The following CUBN variants were observed in gnomAD, a reference collection of about 807,000 sequenced individuals.
CUBN encodes the protein cubilin.
CUBN carries 282 observed loss-of-function variants against 405.3 expected under a neutral mutation model. The observed-to-expected ratio is 0.70, with a 90% CI of 0.63 to 0.77. The LOEUF (loss-of-function observed/expected upper bound fraction) is 0.77. Ranked by LOEUF, CUBN falls within the 30% of genes least tolerant of loss-of-function variation. The pLI, the probability that CUBN is intolerant of heterozygous loss-of-function variation, is 0.00. For synonymous variants in CUBN, 1,684 were observed against 1,617.0 expected, an observed-to-expected ratio of 1.04 and a Z score of -0.99; for missense variants, 4,514 against 4,475.2, an observed-to-expected ratio of 1.01 and a Z score of -0.25.
In CUBN at chr10:16,900,804, C is replaced by A. The variant is rs983265041; in HGVS notation, c.8231G>T (p.Trp2744Leu). The change falls in exon 53 of 67, where the codon TGG (tryptophan) becomes TTG (leucine). Residue 2744 changes from tryptophan (W) to leucine (L), a missense_variant. Around this residue, in one of 5 missense-constraint regions of CUBN, gnomAD observed 1,186 missense variants for 1,186.9 expected, o/e 1.00. Coordinates refer to ENST00000377833, the MANE Select transcript of CUBN (RefSeq NM_001081.4). The part of the protein sequence containing the change: ...FDIEPHTTCA[W>L]DSVTVRNGGS... ...ACCATTCCTGACAGTGACAGAGTCC[C>A]AAGCACAAGTTGTATGGGGTTCAAT... is the stretch of plus-strand genomic sequence containing the variant. 2 of 1,613,924 alleles carry A rather than the reference C, an allele frequency of 1.2e-6. No homozygotes were observed. Among genetic ancestry groups the A allele is most frequent in the African/African-American group, 2.7e-5 (2 of 74,896 alleles).
intron 14 of CUBN, among the ~76,000 whole-genome samples, chr10:17,089,718 C>A (rs1836209562): frequency 6.6e-6 from 1 of 152,194 alleles, no homozygotes; most frequent in South Asian, 2.1e-4. Context: ...ATTTCATTTT[C>A]TTTTGACCAA....
At chr10:16,870,254 T>C (rs1165328396) in intron 58 of CUBN, among the ~76,000 whole-genome samples, 1 of 152,244 alleles carries the variant, frequency 6.6e-6, no homozygotes, top group Non-Finnish European at 1.5e-5. Context: ...TCCCTTGTTA[T>C]TTTATGAGAT....
At chr10:17,107,789 G>T (rs867425276) in intron 10 of CUBN, among the ~76,000 whole-genome samples, 11 of 152,104 alleles carry the variant, frequency 7.2e-5, no homozygotes, top group Middle Eastern at 3.4e-3. Flanking sequence ...GAGCCACCGC[G>T]CCTGGCAAAA....
At chr10:17,121,074 G>GA (rs1420584384) in intron 6 of CUBN, among the ~76,000 whole-genome samples, 17 of 151,948 alleles carry the variant, frequency 1.1e-4, no homozygotes, top group African/African-American at 3.1e-4. Context: ...CAAAGGCAGG[G>GA]AAAAAAGGCT....
chr10:16,907,449 T>C, intron 49 of CUBN, 59 bp downstream of exon 49: 6 of 1,528,634 alleles, frequency 3.9e-6, no homozygotes, highest in Non-Finnish European at 9.1e-7. Context: ...TGGCAGTAGA[T>C]GGGGGCATCT....
intron 29 of CUBN, among the ~76,000 whole-genome samples, chr10:16,990,114 T>C (rs1019501665): frequency 2.6e-5 from 4 of 152,238 alleles, no homozygotes; most frequent in Non-Finnish European, 2.9e-5. Context: ...CATTACCTCC[T>C]AACTCAGCTG....
At chr10:17,018,606 A>AG (rs1382938041) in intron 28 of CUBN, among the ~76,000 whole-genome samples, 1 of 152,140 alleles carries the variant, frequency 6.6e-6, no homozygotes, top group Non-Finnish European at 1.5e-5. Flanking sequence ...ACAGTGTGGA[A>AG]GGGGACCCGA....
intron 48 of CUBN, among the ~76,000 whole-genome samples, chr10:16,913,405 G>C (rs894124379): frequency 2.6e-5 from 4 of 152,166 alleles, no homozygotes; most frequent in African/African-American, 9.7e-5. Flanking sequence ...CCCACCAAGA[G>C]TCCCTCTGTA....
At chr10:16,953,667 G>A (rs1254114884) in intron 32 of CUBN, among the ~76,000 whole-genome samples, 2 of 151,956 alleles carry the variant, frequency 1.3e-5, no homozygotes, top group Non-Finnish European at 1.5e-5. Flanking sequence ...ACCAGCCCGG[G>A]CAACAGAGCA....
At chr10:16,938,498 C>T (rs1036870933) in intron 38 of CUBN, among the ~76,000 whole-genome samples, 1 of 152,086 alleles carries the variant, frequency 6.6e-6, no homozygotes, top group Non-Finnish European at 1.5e-5. Flanking sequence ...GACCAAGAAT[C>T]CAAGATGAAT....
rs1470825459 is a variant in CUBN at position 17,109,627 on chromosome 10, G to GC, written c.1111+12_1111+13insG. 1 of 1,603,418 alleles carries GC rather than the reference G, an allele frequency of 6.2e-7. No individual in the cohort carries two copies. The highest frequency in any genetic ancestry group is 1.3e-5 in the African/African-American group (1 of 74,694). On this transcript the variant is annotated intron_variant, in intron 10 of 66. Coordinates refer to ENST00000377833, the MANE Select transcript of CUBN (RefSeq NM_001081.4). ...TACAATACCCAAAGCCAAAGAGAGA[G>GC]ATGAGTCATTACCTAGAGTTGAGGA... is the stretch of plus-strand genomic sequence containing the variant.
At chr10:17,114,293 T>C in intron 7 of CUBN, 104 bp from the exon 8 acceptor site, 1 of 1,167,554 alleles carries the variant, frequency 8.6e-7, no homozygotes, top group South Asian at 1.3e-5. Flanking sequence ...CTAACGTTCA[T>C]TTCCATAAGG....
intron 31 of CUBN, among the ~76,000 whole-genome samples, chr10:16,977,327 C>G (rs1357561432): frequency 6.6e-6 from 1 of 152,018 alleles, no homozygotes; most frequent in African/African-American, 2.4e-5. Context: ...ACCCCTAAAC[C>G]CAGGCTTCAA....
intron 27 of CUBN, among the ~76,000 whole-genome samples, chr10:17,020,378 G>T (rs767775374): frequency 1.2e-4 from 19 of 152,096 alleles, no homozygotes; most frequent in Non-Finnish European, 1.8e-4. Context: ...AAATGTTTAT[G>T]GGTACATAGT....
rs142305148 is a variant in CUBN, at chr10:17,125,819, G to A, written c.387+942C>T. On this transcript the variant is annotated intron_variant, in intron 4 of 66. Transcript: ENST00000377833. The stretch of plus-strand genomic sequence containing the variant: ...AGACAAAACTTGAGTGCAGTGTCAC[G>A]GTCCACAGCACTATTCTTTACTCAT... Among the ~76,000 whole-genome samples, 30 of 152,232 alleles carry A rather than the reference G, an allele frequency of 2.0e-4. No individual in the cohort carries two copies. The East Asian group carries it at 4.0e-3, about 21-fold the overall frequency.
chr10:17,087,459 TA>T (rs1836138119), intron 15 of CUBN, among the ~76,000 whole-genome samples: 1 of 125,124 alleles, frequency 8.0e-6, no homozygotes, highest in Non-Finnish European at 1.7e-5. Context: ...CAATCACTAT[TA>T]TTTTTCTTTT....
At chr10:17,015,873 T>C (rs1834314297) in intron 28 of CUBN, among the ~76,000 whole-genome samples, 1 of 152,178 alleles carries the variant, frequency 6.6e-6, no homozygotes, top group Non-Finnish European at 1.5e-5. Flanking sequence ...GCTCCATTTT[T>C]TGTCCTTTCT....
At chr10:16,834,186 C>T (rs373001878) in intron 64 of CUBN, among the ~76,000 whole-genome samples, 1 of 152,158 alleles carries the variant, frequency 6.6e-6, no homozygotes, top group Non-Finnish European at 1.5e-5. Context: ...ACTGGGTCCA[C>T]ATCACATGAG....
At chr10:17,099,074 C>G (rs2131294918) in intron 14 of CUBN, among the ~76,000 whole-genome samples, 1 of 152,128 alleles carries the variant, frequency 6.6e-6, no homozygotes, top group South Asian at 2.1e-4. Flanking sequence ...GCAGAATATC[C>G]AACATCTTTG....
Sources: allele counts gnomAD v4.1 joint callset (sites outside exome capture counted in the v4.1 genomes callset), GRCh38; gene constraint gnomAD v4.1.1; regional missense constraint gnomAD v4.1.1; transcripts MANE v1.5; gene names NCBI Gene and HGNC (gene_info 2026-07-23, HGNC 2026-07-21).